The following SHLD2 variants were observed in gnomAD, a reference collection of about 807,000 sequenced individuals.
The protein encoded by SHLD2 is RINN1-REV7-interacting novel NHEJ regulator 2.
A neutral mutation model predicts 73.2 loss-of-function variants in SHLD2; 30 were observed. The observed-to-expected ratio is 0.41, with a 90% confidence interval of 0.31 to 0.56. The LOEUF (loss-of-function observed/expected upper bound fraction) is 0.56, where lower values mean the gene tolerates loss of function less well. Ranked by LOEUF, SHLD2 falls within the 20% of genes least tolerant of loss-of-function variation. SHLD2 has a pLI of 0.28. For synonymous variants in SHLD2, 285 were observed against 370.1 expected (o/e 0.77, Z 2.64); for missense variants, 745 against 1,055.9 (o/e 0.71, Z 4.08).
chr10:87,115,850 T>A (rs1243032859), intron 2 of SHLD2, among the ~76,000 whole-genome samples: 3 of 151,834 alleles, frequency 2.0e-5, no homozygotes, highest in Admixed American at 1.3e-4. Flanking sequence ...GCTCTAAAGG[T>A]TGAGTAGAGA....
chr10:87,099,458 A>C (rs955805763), intron 2 of SHLD2, among the ~76,000 whole-genome samples: 46 of 152,310 alleles, frequency 3.0e-4, no homozygotes, highest in African/African-American at 1.1e-3. Context: ...TTGGCAGAGT[A>C]TTTTAAAGGT....
intron 2 of SHLD2, among the ~76,000 whole-genome samples, chr10:87,106,420 A>G (rs1204363658): frequency 3.3e-5 from 5 of 152,012 alleles, no homozygotes; most frequent in African/African-American, 1.2e-4. Context: ...AATTTACAAA[A>G]GGGGGGGAAC....
At chr10:87,184,164 A>G (rs1848475694) in intron 8 of SHLD2, among the ~76,000 whole-genome samples, 1 of 152,152 alleles carries the variant, frequency 6.6e-6, no homozygotes, top group African/African-American at 2.4e-5. Flanking sequence ...TTAGGCTGGA[A>G]ACCTGGGCAC....
chr10:87,104,741 A>G (rs1015351627), intron 2 of SHLD2, among the ~76,000 whole-genome samples: 11 of 151,262 alleles, frequency 7.3e-5, no homozygotes, highest in Non-Finnish European at 1.2e-4. Flanking sequence ...GCTCGCTGCA[A>G]CCTCCACTTC....
chr10:87,155,125 C>T (rs535128338), intron 3 of SHLD2, among the ~76,000 whole-genome samples: 86 of 147,632 alleles, frequency 5.8e-4, no homozygotes, highest in African/African-American at 2.1e-3. Flanking sequence ...TTAGTAGAGA[C>T]AGGGTTTCAC....
At chr10:87,118,636 A>G (rs187120978) in intron 2 of SHLD2, among the ~76,000 whole-genome samples, 25 of 148,894 alleles carry the variant, frequency 1.7e-4, no homozygotes, top group African/African-American at 5.3e-4. Context: ...TTTGTTTTTT[A>G]AATTTAGAGA....
chr10:87,105,394 G>A (rs574822437), intron 2 of SHLD2, among the ~76,000 whole-genome samples: 36 of 152,270 alleles, frequency 2.4e-4, no homozygotes, highest in African/African-American at 7.5e-4. Flanking sequence ...ATTATGTTGC[G>A]CTTGCTTCTT....
At chr10:87,146,964 G>A (rs1196552210) in intron 2 of SHLD2, among the ~76,000 whole-genome samples, 1 of 149,160 alleles carries the variant, frequency 6.7e-6, no homozygotes, top group Non-Finnish European at 1.5e-5. Context: ...GCTGAGGCAG[G>A]AGAATCGCTT....
intron 2 of SHLD2, among the ~76,000 whole-genome samples, chr10:87,099,346 A>G (rs1168403994): frequency 6.6e-6 from 1 of 152,230 alleles, no homozygotes; most frequent in Non-Finnish European, 1.5e-5. Flanking sequence ...TTTAATTTGA[A>G]AGGTAAAAAT....
Position 87,180,202 on chromosome 10 carries a change from T to A in SHLD2, c.2298T>A (p.Thr766=). The change falls in exon 8 of 10, where the codon ACT becomes ACA. Residue 766 remains threonine (T), a synonymous_variant. Coordinates refer to ENST00000298786, the MANE Select transcript of SHLD2 (RefSeq NM_001330112.2). The stretch of plus-strand genomic sequence containing the variant: ...CTTCTCTTCCCAACATCGTATATAC[T>A]GGTTGTGCAAAATGTGGATTGGAAC... The part of the protein sequence containing the change: ...IFSSLPNIVY[T]GCAKCGLELE... 1 of 1,612,130 alleles carries A rather than the reference T, an allele frequency of 6.2e-7. No homozygotes were observed. The highest frequency in any genetic ancestry group is 1.1e-5 in the South Asian group (1 of 91,024).
intron 2 of SHLD2, among the ~76,000 whole-genome samples, chr10:87,134,885 A>G (rs3129458): frequency 0.67 from 102,288 of 151,988 alleles, 35,011 homozygotes; most frequent in East Asian, 0.84. Flanking sequence ...GGCTGGCTGG[A>G]GAGGAGGAGC....
At chr10:87,141,337 GTT>G (rs200905992) in intron 2 of SHLD2, among the ~76,000 whole-genome samples, 23 of 135,708 alleles carry the variant, frequency 1.7e-4, no homozygotes, top group Non-Finnish European at 1.8e-4. Context: ...GGTGTTCGGT[GTT>G]TTTTTTTTTT....
intron 2 of SHLD2, among the ~76,000 whole-genome samples, chr10:87,102,663 C>T (rs368323341): frequency 6.6e-6 from 1 of 151,718 alleles, no homozygotes. Context: ...GAGCTGAGAT[C>T]GTGCCACTGA....
rs765598018 is a variant in SHLD2 at position 87,152,738 on chromosome 10, G to A, written c.1384G>A (p.Gly462Arg). ...CHVKEINIKF[G>R]PNSGSKVPLA... ...TGTGAAGGAAATAAACATAAAATTC[G>A]GACCAAATTCTGGCTCTAAAGTGCC... The change falls in exon 3 of 10, where the codon GGA (glycine) becomes AGA (arginine). Residue 462 changes from glycine to arginine, a missense_variant. By Grantham distance (125) the Gly-to-Arg change is moderately radical. This residue lies in a region of SHLD2 where 418 missense variants were observed against 567.8 expected (regional missense o/e 0.74). Coordinates refer to ENST00000298786, the MANE Select transcript of SHLD2 (RefSeq NM_001330112.2). The A allele has an allele frequency of 1.2e-5, 19 of 1,611,680 alleles. No individual in the cohort carries two copies. Among genetic ancestry groups the A allele is most frequent in the Non-Finnish European group, 1.5e-5 (18 of 1,179,836 alleles).
At chr10:87,164,744 G>A (rs1030545193) in intron 4 of SHLD2, among the ~76,000 whole-genome samples, 7 of 152,174 alleles carry the variant, frequency 4.6e-5, no homozygotes, top group African/African-American at 1.4e-4. Flanking sequence ...AATAATGATA[G>A]TATTGGATTA....
At chr10:87,156,649 A>T (rs867866407) in intron 3 of SHLD2, among the ~76,000 whole-genome samples, 7 of 152,178 alleles carry the variant, frequency 4.6e-5, no homozygotes, top group Non-Finnish European at 1.0e-4. Flanking sequence ...CCCTCCATGC[A>T]CCACTAGTGA....
At chr10:87,128,728 C>T (rs1589496439) in intron 2 of SHLD2, among the ~76,000 whole-genome samples, 2 of 152,116 alleles carry the variant, frequency 1.3e-5, no homozygotes, top group East Asian at 3.9e-4. Context: ...TTAGCTATTT[C>T]CCTCTTCTGG....
rs1266060511 is a variant in SHLD2, at chr10:87,158,953, T to G, written c.1633+798T>G. Reference sequence around the variant, plus strand: ...ACATATATACCTTATAGGGTTGTTATGAAGATTAAGTGAGAAAATGAATAT... The same window carrying G: ...ACATATATACCTTATAGGGTTGTTAGGAAGATTAAGTGAGAAAATGAATAT... On this transcript the variant is annotated intron_variant, in intron 4 of 9. Coordinates refer to ENST00000298786, the MANE Select transcript of SHLD2 (RefSeq NM_001330112.2). Among the ~76,000 whole-genome samples, 3 of 152,118 alleles carry G rather than the reference T, an allele frequency of 2.0e-5. No individual in the cohort carries two copies. In the South Asian group the frequency reaches 6.2e-4, roughly 31 times the overall value.
At chr10:87,126,865 T>G (rs1455743113) in intron 2 of SHLD2, among the ~76,000 whole-genome samples, 1 of 152,238 alleles carries the variant, frequency 6.6e-6, no homozygotes, top group Non-Finnish European at 1.5e-5. Flanking sequence ...ATATTCTTAC[T>G]CATTATTATT....
Sources: allele counts gnomAD v4.1 joint callset (sites outside exome capture counted in the v4.1 genomes callset), GRCh38; gene constraint gnomAD v4.1.1; regional missense constraint gnomAD v4.1.1; transcripts MANE v1.5; gene names NCBI Gene and HGNC (gene_info 2026-07-23, HGNC 2026-07-21).